The following BIRC6 variants were observed in gnomAD, a reference collection of about 807,000 sequenced individuals.
BIRC6 encodes dual E2 ubiquitin-conjugating enzyme/E3 ubiquitin-protein ligase BIRC6.
BIRC6 carries 98 observed loss-of-function variants against 503.3 expected under a neutral mutation model. The observed-to-expected ratio is 0.19, with a 90% CI of 0.17 to 0.23. The LOEUF is 0.23. Ranked by LOEUF, BIRC6 falls within the 10% of genes least tolerant of loss-of-function variation. The pLI is 1.00. For synonymous variants in BIRC6, 2,240 were observed against 2,078.7 expected (o/e 1.08, Z -2.11); for missense variants, 5,360 against 5,806.0 (o/e 0.92, Z 2.50).
chr2:32,444,546 A>AT (rs1227571910), intron 20 of BIRC6, among the ~76,000 whole-genome samples: 1 of 152,158 alleles, frequency 6.6e-6, no homozygotes, highest in East Asian at 1.9e-4. Flanking sequence ...TTTAAGCCAA[A>AT]TTTTATTTAT....
At chr2:32,530,226 T>G (rs1475115418) in intron 60 of BIRC6, among the ~76,000 whole-genome samples, 1 of 152,228 alleles carries the variant, frequency 6.6e-6, no homozygotes, top group African/African-American at 2.4e-5. Context: ...ATTAATTTTT[T>G]TTGAGACAGA....
chr2:32,481,038 A>G (rs2050344198), intron 37 of BIRC6, among the ~76,000 whole-genome samples: 1 of 152,172 alleles, frequency 6.6e-6, no homozygotes, highest in South Asian at 2.1e-4. Context: ...ATGTAATAGA[A>G]TGTATATTAT....
chr2:32,556,181 A>T (rs145831975), intron 65 of BIRC6, among the ~76,000 whole-genome samples: 1 of 152,202 alleles, frequency 6.6e-6, no homozygotes, highest in Non-Finnish European at 1.5e-5. Context: ...ATTTTTGTCA[A>T]GGGCATCCAA....
chr2:32,428,963 A>T (rs2043819097), intron 10 of BIRC6, among the ~76,000 whole-genome samples, 183 bp from the exon 11 acceptor site: 2 of 152,148 alleles, frequency 1.3e-5, no homozygotes, highest in Admixed American at 6.6e-5. Flanking sequence ...TCTTCATAAA[A>T]ATTTGGTTTC....
intron 35 of BIRC6, 113 bp downstream of exon 35, chr2:32,477,696 C>T: frequency 2.8e-6 from 2 of 713,994 alleles, no homozygotes; most frequent in Non-Finnish European, 4.5e-6. Flanking sequence ...TCTAGGAGTT[C>T]CAGACTAGTG....
chr2:32,614,774 G>A (rs2063128864), intron 73 of BIRC6, among the ~76,000 whole-genome samples: 1 of 152,250 alleles, frequency 6.6e-6, no homozygotes, highest in South Asian at 2.1e-4. Context: ...GGAGGTTGCA[G>A]TGAGCTGAGA....
At chr2:32,482,625 A>T (rs1380996491) in intron 39 of BIRC6, 43 bp downstream of exon 39, 1 of 1,603,364 alleles carries the variant, frequency 6.2e-7, no homozygotes, top group Non-Finnish European at 8.5e-7. Flanking sequence ...TATTCTTAAA[A>T]CAAGTCTGTC....
At chr2:32,424,518 CT>C (rs1269375768) in intron 10 of BIRC6, among the ~76,000 whole-genome samples, 330 of 140,860 alleles carry the variant, frequency 2.3e-3, no homozygotes, top group Non-Finnish European at 2.8e-3. Context: ...ATGTTCAACC[CT>C]TTTTTTTTTT....
At position 32,443,597 on chromosome 2, in the gene BIRC6, A is replaced by G. The variant is rs1558740022; in HGVS notation, c.4336+9A>G. 1 of 1,559,704 alleles carries G rather than the reference A, an allele frequency of 6.4e-7. No homozygotes were observed. The highest frequency in any genetic ancestry group is 2.3e-5 in the East Asian group (1 of 44,034). On this transcript the variant is annotated intron_variant, in intron 20 of 73. Transcript: ENST00000421745. Reference sequence around the variant, plus strand: ...TGCAGCAACAACTGGTGGTATGTAAAATTAATTTAATCACAAATAGTTATA... The same window carrying G: ...TGCAGCAACAACTGGTGGTATGTAAGATTAATTTAATCACAAATAGTTATA...
chr2:32,518,410 C>T lies in BIRC6; in HGVS notation c.11493+13C>T, dbSNP rs2055290846. On this transcript the variant is annotated intron_variant, in intron 56 of 73. Coordinates refer to ENST00000421745, the MANE Select transcript of BIRC6 (RefSeq NM_016252.4). ...GTCTCCATGTCCAGTGAGTATTTAA[C>T]ACTTAATCATTGGCTGTGTATACAT... 6.3e-7 allele frequency: 1 copy of T among 1,598,830 alleles called. No homozygotes were observed. The highest frequency in any genetic ancestry group is 8.5e-7 in the Non-Finnish European group (1 of 1,176,362).
intron 65 of BIRC6, among the ~76,000 whole-genome samples, chr2:32,559,861 A>G (rs1026463072): frequency 6.6e-6 from 1 of 152,086 alleles, no homozygotes; most frequent in Non-Finnish European, 1.5e-5. Context: ...TGAAAATACA[A>G]AAAAATTAGC....
chr2:32,530,754 A>C (rs1391488245), intron 60 of BIRC6, among the ~76,000 whole-genome samples: 1 of 152,142 alleles, frequency 6.6e-6, no homozygotes, highest in Non-Finnish European at 1.5e-5. Context: ...TCTTCAGCAA[A>C]TTTTGGTACA....
At chr2:32,381,885 C>G (rs1265334519) in intron 3 of BIRC6, among the ~76,000 whole-genome samples, 2 of 152,076 alleles carry the variant, frequency 1.3e-5, no homozygotes, top group African/African-American at 4.8e-5. Context: ...TGGATATCTT[C>G]TCATATCCTC....
At chr2:32,462,060 A>T (rs941844049) in intron 23 of BIRC6, among the ~76,000 whole-genome samples, 23 of 152,130 alleles carry the variant, frequency 1.5e-4, no homozygotes, top group Admixed American at 6.5e-4. Flanking sequence ...AAAATAAAAA[A>T]AAAAAGGTGG....
At chr2:32,364,942 A>G (rs954532746) in intron 1 of BIRC6, among the ~76,000 whole-genome samples, 2 of 152,174 alleles carry the variant, frequency 1.3e-5, no homozygotes, top group Non-Finnish European at 2.9e-5. Context: ...ATTCCTGGCT[A>G]ACTTCGGTAC....
In BIRC6 at chr2:32,439,606, G is replaced by A. The variant is rs1364790838; in HGVS notation, c.3730G>A (p.Val1244Ile). 3.1e-6 allele frequency: 5 copies of A among 1,613,950 alleles called. No individual in the cohort carries two copies. The highest frequency in any genetic ancestry group is 4.2e-6 in the Non-Finnish European group (5 of 1,179,856). The stretch of plus-strand genomic sequence containing the variant: ...TTGTAATGGTGGTATGCGTCCTGTA[G>A]TAAGGCTTCCATCCCTAAAACACCA... ...EICNGGMRPV[V>I]RLPSLKHQSN... Residue 1244 changes from valine (V) to isoleucine (I), a missense_variant, in exon 16 of 74, where the codon GTA becomes ATA. Val to Ile is a conservative substitution (Grantham distance 29). Coordinates refer to ENST00000421745, the MANE Select transcript of BIRC6 (RefSeq NM_016252.4).
intron 23 of BIRC6, 110 bp downstream of exon 23, chr2:32,454,052 G>C: frequency 1.0e-6 from 1 of 969,492 alleles, no homozygotes. Flanking sequence ...TTGCTGTTAA[G>C]TGGAAATTTA....
chr2:32,421,006 G>T lies in BIRC6; in HGVS notation c.2872+4843G>T, dbSNP rs190381174. On this transcript the variant is annotated intron_variant, in intron 10 of 73. Coordinates refer to ENST00000421745, the MANE Select transcript of BIRC6 (RefSeq NM_016252.4). ...ACATTTTTTTCTTTGTTATTTTTCT[G>T]TTTTCCCATTTACTGGATTTCCATT... Among the ~76,000 whole-genome samples, 10 of 116,636 alleles carry T rather than the reference G, an allele frequency of 8.6e-5. No homozygotes were observed. In the East Asian group the frequency reaches 1.4e-3, roughly 17 times the overall value. 76.5% of individuals were successfully genotyped at this position (116,636 alleles called of 152,430 possible).
chr2:32,519,315 G>A (rs1056411310), intron 57 of BIRC6: 1 of 202,368 alleles, frequency 4.9e-6, no homozygotes, highest in South Asian at 9.1e-5. Flanking sequence ...TGAAGGTGGT[G>A]ATCAGTGATC....
Sources: allele counts gnomAD v4.1 joint callset (sites outside exome capture counted in the v4.1 genomes callset), GRCh38; gene constraint gnomAD v4.1.1; transcripts MANE v1.5; gene names NCBI Gene and HGNC (gene_info 2026-07-23, HGNC 2026-07-21).